Variants in PCDH15 observed in about 807,000 individuals in gnomAD.
PCDH15 encodes the protein protocadherin related 15, also known as protocadherin-15.
Under a neutral mutation model 178.5 loss-of-function variants are expected in PCDH15, and 129 were observed. That is an observed-to-expected ratio of 0.72 (90% confidence interval 0.63 to 0.84). The LOEUF is 0.84. Among genes scored for constraint, PCDH15 ranks in the 40% least tolerant of loss-of-function variants. PCDH15 has a pLI of 0.00. For missense variants in PCDH15, 2,230 were observed against 2,099.9 expected, an observed-to-expected ratio of 1.06 and a Z score of -1.21; for synonymous variants, 800 against 732.0, an observed-to-expected ratio of 1.09 and a Z score of -1.50.
In PCDH15 at chr10:54,132,941, T is replaced by C; in HGVS notation, c.1851A>G (p.Pro617=). Residue 617 remains proline, a synonymous_variant, in exon 15 of 38, where the codon CCA becomes CCG. Transcript: ENST00000644397. ...PPNNQSPPRF[P]QLMYSLEISE... ...TAATTTCAAGGCTATACATCAGCTG[T>C]GGGAAGCGAGGAGGGCTTTGATTAT... is the stretch of plus-strand genomic sequence containing the variant. The C allele has an allele frequency of 2.5e-6, 4 of 1,614,064 alleles. No homozygotes were observed. Among genetic ancestry groups the C allele is most frequent in the Non-Finnish European group, 3.4e-6 (4 of 1,179,998 alleles).
intron 26 of PCDH15, among the ~76,000 whole-genome samples, chr10:53,895,615 A>G (rs1401487599): frequency 6.6e-6 from 1 of 152,182 alleles, no homozygotes; most frequent in East Asian, 1.9e-4. Context: ...GAGTTTTTTA[A>G]AATTAATCTT....
intron 3 of PCDH15, among the ~76,000 whole-genome samples, chr10:54,404,305 A>G (rs1281089087): frequency 6.6e-6 from 1 of 152,082 alleles, no homozygotes. Flanking sequence ...ACAGCATGGT[A>G]CTGGTACAAA....
At chr10:55,402,979 T>C (rs1049128067) in intron 2 of PCDH15, among the ~76,000 whole-genome samples, 4 of 151,928 alleles carry the variant, frequency 2.6e-5, no homozygotes, top group Non-Finnish European at 5.9e-5. Flanking sequence ...TTGCCAGCGT[T>C]TGTTATTTTT....
At chr10:55,121,328 A>G (rs948528338) in intron 2 of PCDH15, among the ~76,000 whole-genome samples, 1 of 147,924 alleles carries the variant, frequency 6.8e-6, no homozygotes, top group South Asian at 2.2e-4. Context: ...TTAGAAGTGT[A>G]TTACTTGTTT....
intron 18 of PCDH15, among the ~76,000 whole-genome samples, chr10:54,045,838 T>C (rs1326031397): frequency 6.6e-6 from 1 of 152,054 alleles, no homozygotes; most frequent in Non-Finnish European, 1.5e-5. Context: ...ATGGATAAAT[T>C]TGATAATCTT....
Position 54,213,937 on chromosome 10 carries a change from T to C in PCDH15, c.1097A>G (p.Lys366Arg). The C allele has an allele frequency of 6.4e-7, 1 of 1,562,142 alleles. No homozygotes were observed. Among genetic ancestry groups the C allele is most frequent in the Non-Finnish European group, 8.8e-7 (1 of 1,133,468 alleles). The change falls in exon 10 of 38, where the codon AAG (lysine) becomes AGG (arginine). Residue 366 changes from lysine (K) to arginine (R), a missense_variant and splice_region_variant. Coordinates refer to ENST00000644397, the MANE Select transcript of PCDH15 (RefSeq NM_001384140.1). ...DFHQKFDLVI[K>R]AEQDNGHPLP... The stretch of plus-strand genomic sequence containing the variant: ...AAATAAGATATTAGCTTAATTTACC[T>C]TAATAACCAAATCAAATTTCTGGTG...
At chr10:55,594,284 T>C (rs1842899945) in intron 2 of PCDH15, among the ~76,000 whole-genome samples, 1 of 151,984 alleles carries the variant, frequency 6.6e-6, no homozygotes, top group South Asian at 2.1e-4. Context: ...GTTTTCTCCA[T>C]GTAGACAGAG....
intron 21 of PCDH15, among the ~76,000 whole-genome samples, chr10:53,967,117 T>C (rs1296838164): frequency 6.6e-6 from 1 of 152,170 alleles, no homozygotes; most frequent in Non-Finnish European, 1.5e-5. Flanking sequence ...GGGAGGTAAC[T>C]TAAACATGGG....
intron 2 of PCDH15, among the ~76,000 whole-genome samples, chr10:54,618,750 A>T (rs911746781): frequency 6.6e-6 from 1 of 152,114 alleles, no homozygotes; most frequent in African/African-American, 2.4e-5. Context: ...ATCACTAATT[A>T]TGTTGAAATA....
chr10:54,352,912 T>C (rs1317863289), intron 5 of PCDH15, among the ~76,000 whole-genome samples: 6 of 152,184 alleles, frequency 3.9e-5, no homozygotes, highest in Non-Finnish European at 4.4e-5. Context: ...AATAATGTTA[T>C]AGATTCATTC....
chr10:54,700,806 T>C (rs1361029636), intron 1 of PCDH15, among the ~76,000 whole-genome samples: 4 of 152,042 alleles, frequency 2.6e-5, no homozygotes, highest in African/African-American at 9.7e-5. Flanking sequence ...ATATAGGCCA[T>C]GAAAATTCTC....
At chr10:54,189,417 TA>T in intron 11 of PCDH15, 1 of 1,447,184 alleles carries the variant, frequency 6.9e-7, no homozygotes, top group Non-Finnish European at 9.3e-7. Context: ...ATAAATATTG[TA>T]AATGTAAATG....
At chr10:54,226,221 C>A (rs145450471) in intron 9 of PCDH15, among the ~76,000 whole-genome samples, 4 of 152,144 alleles carry the variant, frequency 2.6e-5, no homozygotes, top group African/African-American at 4.8e-5. Context: ...CAAGGAAAAG[C>A]ACGTCACTTC....
chr10:54,881,836 T>C (rs1215411077), intron 3 of PCDH15, among the ~76,000 whole-genome samples: 1 of 152,164 alleles, frequency 6.6e-6, no homozygotes, highest in Non-Finnish European at 1.5e-5. Context: ...GTATTAAAAA[T>C]ATATTTTTGT....
At chr10:55,433,178 G>C (rs973174036) in intron 2 of PCDH15, among the ~76,000 whole-genome samples, 5 of 152,106 alleles carry the variant, frequency 3.3e-5, no homozygotes, top group African/African-American at 1.2e-4. Context: ...ATTCACAATA[G>C]CAAAATCAAG....
At chr10:54,492,827 A>C (rs1010456799) in intron 3 of PCDH15, among the ~76,000 whole-genome samples, 2 of 152,178 alleles carry the variant, frequency 1.3e-5, no homozygotes, top group Non-Finnish European at 2.9e-5. Context: ...CCAGTGTACT[A>C]GTCTGTTTTC....
chr10:54,185,074 T>C (rs2048366711), intron 12 of PCDH15, 60 bp downstream of exon 12: 2 of 1,585,840 alleles, frequency 1.3e-6, no homozygotes. Flanking sequence ...TTCAGTTCCA[T>C]ACAAACATAC....
intron 3 of PCDH15, among the ~76,000 whole-genome samples, chr10:54,820,266 C>G (rs529140529): frequency 6.6e-6 from 1 of 152,022 alleles, no homozygotes; most frequent in East Asian, 1.9e-4. Context: ...GATACTTCTT[C>G]CAGTCGCTAT....
chr10:54,531,095 C>A (rs566481979), intron 2 of PCDH15, among the ~76,000 whole-genome samples: 1 of 152,162 alleles, frequency 6.6e-6, no homozygotes, highest in South Asian at 2.1e-4. Context: ...GGAGATTGTA[C>A]CCTATGGTCT....
Sources: gnomAD v4.1 joint callset for allele counts (sites outside exome capture counted in the v4.1 genomes callset) on GRCh38, gnomAD v4.1.1 for gene constraint, MANE v1.5 for transcripts, NCBI Gene and HGNC (gene_info 2026-07-23, HGNC 2026-07-21) for gene names.